RELN: variants seen among roughly 807,000 people sequenced by gnomAD.
The protein encoded by RELN is reelin.
A neutral mutation model predicts 427.6 loss-of-function variants in RELN; 108 were observed. The ratio of observed to expected loss-of-function variants is 0.25; its 90% CI spans 0.22 to 0.30. The LOEUF is 0.30. Ranked by LOEUF, RELN falls within the 10% of genes least tolerant of loss-of-function variation. The probability of loss-of-function intolerance (pLI) is 1.00; values close to 1 mark genes in which losing one functional copy is unlikely to be tolerated. For synonymous variants in RELN, 1,524 were observed against 1,513.4 expected, an observed-to-expected ratio of 1.01 and a Z score of -0.16; for missense variants, 3,715 against 4,302.8, an observed-to-expected ratio of 0.86 and a Z score of 3.82.
intron 10 of RELN, among the ~76,000 whole-genome samples, chr7:103,682,814 G>T (rs1439692095): frequency 6.6e-6 from 1 of 152,058 alleles, no homozygotes; most frequent in Non-Finnish European, 1.5e-5. Flanking sequence ...TTTCTGACCA[G>T]ACCTAAAAAG....
chr7:103,852,672 TTTGTTGTTG>T (rs34952499), intron 2 of RELN, among the ~76,000 whole-genome samples: 1 of 151,548 alleles, frequency 6.6e-6, no homozygotes, highest in Non-Finnish European at 1.5e-5. Context: ...CACCTTTGTT[TTTGTTGTTG>T]TTGTTGTTGT....
chr7:103,848,804 C>A (rs1793744478), intron 2 of RELN, among the ~76,000 whole-genome samples: 1 of 152,184 alleles, frequency 6.6e-6, no homozygotes, highest in Non-Finnish European at 1.5e-5. Context: ...AAATTTTGGA[C>A]TTCTTGATCC....
chr7:103,759,972 T>C (rs1051060771), intron 4 of RELN, among the ~76,000 whole-genome samples: 3 of 148,538 alleles, frequency 2.0e-5, no homozygotes, highest in African/African-American at 4.9e-5. Flanking sequence ...CATTCGGTCA[T>C]TGGTGCTCAC....
rs115577014 is a variant in RELN, at chr7:103,574,266, T to C, written c.4337A>G (p.Asn1446Ser). 136 of 1,614,156 alleles carry C rather than the reference T, an allele frequency of 8.4e-5. 2 individuals carry two copies. The African/African-American group carries it at 1.0e-3, about 12-fold the overall frequency. The change falls in exon 30 of 65, where the codon AAT (asparagine) becomes AGT (serine). Residue 1446 changes from asparagine (N) to serine (S), a missense_variant. By Grantham distance (46) the Asn-to-Ser change is conservative. Around this residue, in one of 4 missense-constraint regions of RELN, gnomAD observed 2,208 missense variants for 2,361.7 expected, o/e 0.93. Transcript: ENST00000428762. The part of the protein sequence containing the change: ...AQGTCVSNVP[N>S]HNEMFDRFEG... ...AAACCTATCGAACATCTCATTGTGATTGGGGACATTTGACACACAGGTTCC... is the reference window on the plus strand; with the variant it reads ...AAACCTATCGAACATCTCATTGTGACTGGGGACATTTGACACACAGGTTCC...
At chr7:103,958,707 T>C (rs987344398) in intron 1 of RELN, among the ~76,000 whole-genome samples, 1 of 152,136 alleles carries the variant, frequency 6.6e-6, no homozygotes, top group East Asian at 1.9e-4. Context: ...CTGCAATGGC[T>C]CTCAGAAATA....
At chr7:103,535,186 C>T (rs1314316534) in intron 46 of RELN, 130 bp downstream of exon 46, 1 of 834,886 alleles carries the variant, frequency 1.2e-6, no homozygotes, top group Non-Finnish European at 2.0e-6. Flanking sequence ...CTTAATAATT[C>T]ATACATGGCA....
chr7:103,914,784 C>G (rs759391502), intron 2 of RELN, among the ~76,000 whole-genome samples: 1 of 152,130 alleles, frequency 6.6e-6, no homozygotes, highest in Non-Finnish European at 1.5e-5. Context: ...CTTATCCCCC[C>G]ACATCTGGCT....
At chr7:103,652,881 C>G in intron 13 of RELN, 122 bp from the exon 14 acceptor site, 1 of 823,928 alleles carries the variant, frequency 1.2e-6, no homozygotes, top group East Asian at 2.6e-5. Flanking sequence ...CACCAGGACA[C>G]GTCCTTTGTG....
intron 2 of RELN, among the ~76,000 whole-genome samples, chr7:103,878,460 C>T (rs1476901610): frequency 1.3e-5 from 2 of 152,102 alleles, no homozygotes; most frequent in Non-Finnish European, 2.9e-5. Flanking sequence ...AGAACTGTTC[C>T]TGAGAAGTGG....
At position 103,963,068 on chromosome 7, in the gene RELN, C is replaced by T. The variant is rs190720217; in HGVS notation, c.226+26063G>A. ...TAAGCCAGTGATGGGAACAATAAGA[C>T]AATCTGGAAAGCCTCGAAACCAGGC... On this transcript the variant is annotated intron_variant, in intron 1 of 64. Transcript: ENST00000428762. Among the ~76,000 whole-genome samples the T allele has an allele frequency of 1.8e-3, 276 of 151,440 alleles. 1 individual carries two copies. Among genetic ancestry groups the T allele is most frequent in the African/African-American group, 6.0e-3 (247 of 41,188 alleles).
chr7:103,639,382 TC>T (rs1000077891), intron 17 of RELN, among the ~76,000 whole-genome samples: 3 of 151,636 alleles, frequency 2.0e-5, no homozygotes, highest in African/African-American at 7.3e-5. Flanking sequence ...ACATGCAATT[TC>T]TTTTTTTTCT....
intron 2 of RELN, among the ~76,000 whole-genome samples, chr7:103,883,008 C>T (rs1794642980): frequency 6.6e-6 from 1 of 152,124 alleles, no homozygotes; most frequent in African/African-American, 2.4e-5. Context: ...GGCCAATATC[C>T]CTGATGAATA....
chr7:103,877,623 A>T (rs532551042), intron 2 of RELN, among the ~76,000 whole-genome samples: 1 of 152,094 alleles, frequency 6.6e-6, no homozygotes, highest in Non-Finnish European at 1.5e-5. Flanking sequence ...CAAATTCATC[A>T]TACAACTTCC....
chr7:103,483,903 G>A (rs1828332497), intron 61 of RELN, 53 bp from the exon 62 acceptor site: 1 of 1,532,938 alleles, frequency 6.5e-7, no homozygotes, highest in Non-Finnish European at 8.9e-7. Context: ...TTTTTGAGAT[G>A]GAGTCTTGCT....
At chr7:103,812,869 C>A (rs567632184) in intron 3 of RELN, among the ~76,000 whole-genome samples, 1 of 152,148 alleles carries the variant, frequency 6.6e-6, no homozygotes, top group African/African-American at 2.4e-5. Flanking sequence ...GTCATTACTG[C>A]ACTCTAATTC....
intron 2 of RELN, among the ~76,000 whole-genome samples, chr7:103,890,950 C>A (rs1383366818): frequency 2.0e-5 from 3 of 152,094 alleles, no homozygotes; most frequent in Admixed American, 2.0e-4. Flanking sequence ...GTGGTGCGCA[C>A]CTGTAATCCC....
chr7:103,832,799 C>A (rs1243149310), intron 3 of RELN, among the ~76,000 whole-genome samples: 1 of 152,038 alleles, frequency 6.6e-6, no homozygotes, highest in Non-Finnish European at 1.5e-5. Context: ...CTTCTGGCCA[C>A]CAGGAATTTC....
intron 10 of RELN, among the ~76,000 whole-genome samples, chr7:103,685,357 T>C (rs1432464482): frequency 6.6e-6 from 1 of 152,126 alleles, no homozygotes; most frequent in East Asian, 1.9e-4. Flanking sequence ...GTAAGATACA[T>C]GAGCTCTTGA....
chr7:103,724,659 A>G (rs1361911979), intron 7 of RELN, among the ~76,000 whole-genome samples: 1 of 152,170 alleles, frequency 6.6e-6, no homozygotes, highest in Non-Finnish European at 1.5e-5. Context: ...GTGCTAACTG[A>G]GGGTGACCCT....
Sources: allele counts gnomAD v4.1 joint callset (sites outside exome capture counted in the v4.1 genomes callset), GRCh38; gene constraint gnomAD v4.1.1; regional missense constraint gnomAD v4.1.1; transcripts MANE v1.5; gene names NCBI Gene and HGNC (gene_info 2026-07-23, HGNC 2026-07-21).